Variants in SRC observed in about 807,000 individuals in gnomAD.
SRC encodes the protein SRC proto-oncogene, non-receptor tyrosine kinase, also known as proto-oncogene tyrosine-protein kinase Src.
SRC carries 13 observed loss-of-function variants against 62.9 expected under a neutral mutation model. That is an observed-to-expected ratio of 0.21 (90% CI 0.13 to 0.33). The LOEUF (loss-of-function observed/expected upper bound fraction) is 0.33, where lower values mean the gene tolerates loss of function less well. Ranked by LOEUF, SRC falls within the 10% of genes least tolerant of loss-of-function variation. The probability of loss-of-function intolerance (pLI) is 1.00; values close to 1 mark genes in which losing one functional copy is unlikely to be tolerated. For missense variants in SRC, 457 were observed against 737.3 expected (o/e 0.62, Z 4.40); for synonymous variants, 302 against 317.5 (o/e 0.95, Z 0.52).
chr20:37,366,631 T>C (rs945100158), intron 2 of SRC, among the ~76,000 whole-genome samples: 2 of 152,258 alleles, frequency 1.3e-5, no homozygotes, highest in Non-Finnish European at 2.9e-5. Context: ...ATCATTCAAG[T>C]GTGCTCTTTT....
At chr20:37,395,941 C>A (rs968586751) in intron 7 of SRC, among the ~76,000 whole-genome samples, 3 of 152,210 alleles carry the variant, frequency 2.0e-5, no homozygotes. Context: ...CTTGCTGGGG[C>A]CAAGGGTGCG....
chr20:37,397,671 C>T lies in SRC; in HGVS notation c.704-28C>T, dbSNP rs1194866172. The T allele has an allele frequency of 1.3e-6, 2 of 1,535,180 alleles. No individual in the cohort carries two copies. Among genetic ancestry groups the T allele is most frequent in the African/African-American group, 1.4e-5 (1 of 72,842 alleles). Reference sequence around the variant, plus strand: ...GGAGGCCCCAGGGCAGAAGACCCGCCTAACTGCTCCTCCTGCCTCCTCCTC... The same window carrying T: ...GGAGGCCCCAGGGCAGAAGACCCGCTTAACTGCTCCTCCTGCCTCCTCCTC... On this transcript the variant is annotated intron_variant, in intron 8 of 13. Coordinates refer to ENST00000373578, the MANE Select transcript of SRC (RefSeq NM_198291.3). This position sits in a 1 kb window ranked among gnomAD's most constrained non-coding sequence, Gnocchi z 4.1.
intron 2 of SRC, among the ~76,000 whole-genome samples, chr20:37,374,723 T>C (rs6018131): frequency 0.23 from 35,085 of 151,552 alleles, 6,120 homozygotes; most frequent in African/African-American, 0.49. Context: ...TACAGGCATG[T>C]GCCACCACAC....
intron 2 of SRC, among the ~76,000 whole-genome samples, chr20:37,377,012 G>A (rs2070288317): frequency 6.6e-6 from 1 of 152,178 alleles, no homozygotes; most frequent in Admixed American, 6.5e-5. Context: ...TTGCTGTGTG[G>A]CCTTGGACAA....
chr20:37,347,460 A>T (rs2069739358), intron 1 of SRC, among the ~76,000 whole-genome samples: 1 of 152,214 alleles, frequency 6.6e-6, no homozygotes, highest in African/African-American at 2.4e-5. Context: ...GCGCTTCTGC[A>T]GGTAGAGGCT....
At position 37,384,274 on chromosome 20, in the gene SRC, C is replaced by A; in HGVS notation, c.121C>A (p.Pro41Thr). Residue 41 changes from proline (P) to threonine (T), a missense_variant, in exon 4 of 14, where the codon CCA becomes ACA. By Grantham distance (38) the Pro-to-Thr change is conservative (BLOSUM62 -1). Around this residue, in one of 4 missense-constraint regions of SRC, gnomAD observed 132 missense variants for 135.4 expected, o/e 0.98. Transcript: ENST00000373578. The surrounding 1 kb of genome is among the most constrained non-coding windows in gnomAD (Gnocchi z 6.7). ...CCCCGCCTCGCAGACCCCCAGCAAG[C>A]CAGCCTCGGCCGACGGCCACCGCGG... The part of the protein sequence containing the change: ...AFPASQTPSK[P>T]ASADGHRGPS... 1 of 1,529,920 alleles carries A rather than the reference C, an allele frequency of 6.5e-7. No homozygotes were observed. Among genetic ancestry groups the A allele is most frequent in the Non-Finnish European group, 8.7e-7 (1 of 1,149,136 alleles). 94.8% of individuals were successfully genotyped at this position (1,529,920 alleles called of 1,614,324 possible). A position where few individuals can be genotyped will look rare whatever the true frequency, so the allele number is the denominator to read the frequency against.
intron 11 of SRC, chr20:37,401,967 G>A (rs1408144168): frequency 7.6e-6 from 3 of 396,336 alleles, no homozygotes; most frequent in African/African-American, 4.1e-5. Flanking sequence ...CTTAGCAGAC[G>A]TGTTCATGCT....
chr20:37,403,072 C>G lies in SRC; in HGVS notation c.1403-99C>G. 1.5e-6 allele frequency: 2 copies of G among 1,365,634 alleles called. No homozygotes were observed. The highest frequency in any genetic ancestry group is 2.0e-6 in the Non-Finnish European group (2 of 1,019,266). 84.6% of individuals were successfully genotyped at this position (1,365,634 alleles called of 1,614,324 possible). On this transcript the variant is annotated intron_variant, in intron 13 of 13. Coordinates refer to ENST00000373578, the MANE Select transcript of SRC (RefSeq NM_198291.3). The surrounding 1 kb of genome is among the most constrained non-coding windows in gnomAD (Gnocchi z 7.1). ...GGACTTATCTATGGTCACTCCCAAC[C>G]TGTCCTAGGCAGGAAGCCCTCGCTG...
Position 37,384,316 on chromosome 20 carries a change from G to GC in SRC, c.168dup (p.Ala57ArgfsTer38). 1 of 1,465,826 alleles carries GC rather than the reference G, an allele frequency of 6.8e-7. No individual in the cohort carries two copies. Among genetic ancestry groups the GC allele is most frequent in the Non-Finnish European group, 9.0e-7 (1 of 1,114,552 alleles). 90.8% of individuals were successfully genotyped at this position (1,465,826 alleles called of 1,614,324 possible). A position where few individuals can be genotyped will look rare whatever the true frequency, so the allele number is the denominator to read the frequency against. On this transcript the variant is annotated frameshift_variant, in exon 4 of 14. Transcript: ENST00000373578. LOFTEE classifies it high-confidence loss of function. This position sits in a 1 kb window ranked among gnomAD's most constrained non-coding sequence, Gnocchi z 6.7. ...CCACCGCGGCCCCAGCGCGGCCTTC[G>GC]CCCCCGCGGCCGCCGAGCCCAAGCT...
chr20:37,376,639 G>T (rs1253642612), intron 2 of SRC, among the ~76,000 whole-genome samples: 2 of 152,216 alleles, frequency 1.3e-5, no homozygotes, highest in Non-Finnish European at 2.9e-5. Flanking sequence ...AAGTAGCTGG[G>T]ATTACAGGCA....
chr20:37,352,049 G>T (rs1452107278), intron 1 of SRC, among the ~76,000 whole-genome samples: 1 of 152,244 alleles, frequency 6.6e-6, no homozygotes. Context: ...GCCATAAAGG[G>T]TAATGGAAGT....
At chr20:37,393,280 C>G (rs995414283) in intron 5 of SRC, among the ~76,000 whole-genome samples, 1 of 152,208 alleles carries the variant, frequency 6.6e-6, no homozygotes, top group African/African-American at 2.4e-5. Context: ...GCCGAGGAGC[C>G]CTTTAGGTGT....
At chr20:37,377,447 G>C (rs1275418895) in intron 2 of SRC, among the ~76,000 whole-genome samples, 1 of 152,232 alleles carries the variant, frequency 6.6e-6, no homozygotes, top group Admixed American at 6.5e-5. Context: ...GAAGAGGTGA[G>C]ATGATGTTCT....
chr20:37,369,571 T>TA (rs2070128545), intron 2 of SRC, among the ~76,000 whole-genome samples: 1 of 152,148 alleles, frequency 6.6e-6, no homozygotes, highest in African/African-American at 2.4e-5. Flanking sequence ...TAAGATCATA[T>TA]TATCTGCAAA....
Position 37,379,722 on chromosome 20 carries a change from C to CA in SRC, c.-172-2885dup, listed in dbSNP as rs1240730350. 9.4e-3 allele frequency among the ~76,000 whole-genome samples: 1,210 copies of CA among 129,040 alleles called. 3 individuals are homozygous for CA. Among genetic ancestry groups the CA allele is most frequent in the African/African-American group, 0.021 (730 of 34,106 alleles). 84.7% of individuals were successfully genotyped at this position (129,040 alleles called of 152,430 possible). A position where few individuals can be genotyped will look rare whatever the true frequency, so the allele number is the denominator to read the frequency against. On this transcript the variant is annotated intron_variant, in intron 2 of 13. Transcript: ENST00000373578. ...CTGGGCGACAGAGGAGACTCTGTCT[C>CA]AAAAAAAAAAAATAATAATAATAAT...
intron 5 of SRC, among the ~76,000 whole-genome samples, chr20:37,391,352 G>A (rs952809436): frequency 1.3e-5 from 2 of 152,202 alleles, no homozygotes; most frequent in Admixed American, 1.3e-4. Flanking sequence ...ACAGTCAGGG[G>A]CCCTGCTTCT....
intron 1 of SRC, among the ~76,000 whole-genome samples, chr20:37,360,144 G>A (rs1220849073): frequency 6.7e-6 from 1 of 148,420 alleles, no homozygotes; most frequent in Admixed American, 6.7e-5. Context: ...AAGGACTCTT[G>A]TGTTTAAAAA....
chr20:37,353,795 A>G (rs1353894239), intron 1 of SRC, among the ~76,000 whole-genome samples: 1 of 152,154 alleles, frequency 6.6e-6, no homozygotes, highest in African/African-American at 2.4e-5. Flanking sequence ...ACCCTTGATC[A>G]GCCCTCCAGC....
Position 37,364,685 on chromosome 20 carries a change from C to T in SRC, c.-246-519C>T, listed in dbSNP as rs542258128. On this transcript the variant is annotated intron_variant, in intron 1 of 13. Coordinates refer to ENST00000373578, the MANE Select transcript of SRC (RefSeq NM_198291.3). The stretch of plus-strand genomic sequence containing the variant: ...GCACGTGGACCTGGCCCCTCGTTAT[C>T]CTTGTCACGATACTTTCAGTAGTTC... Among the ~76,000 whole-genome samples, 5 of 152,248 alleles carry T rather than the reference C, an allele frequency of 3.3e-5. No homozygotes were observed. In the East Asian group the frequency reaches 7.7e-4, roughly 24 times the overall value.
Sources: allele counts gnomAD v4.1 joint callset (sites outside exome capture counted in the v4.1 genomes callset), GRCh38; gene constraint gnomAD v4.1.1; regional missense constraint gnomAD v4.1.1; non-coding constraint Gnocchi (gnomAD v3.1); transcripts MANE v1.5; gene names NCBI Gene and HGNC (gene_info 2026-07-23, HGNC 2026-07-21).